Variants in RGL1 observed in about 807,000 individuals in gnomAD.
RGL1 encodes the protein ral guanine nucleotide dissociation stimulator-like 1.
RGL1 carries 24 observed loss-of-function variants against 95.2 expected under a neutral mutation model. The ratio of observed to expected loss-of-function variants is 0.25; its 90% CI spans 0.18 to 0.35. The LOEUF (loss-of-function observed/expected upper bound fraction) is 0.35, where lower values mean the gene tolerates loss of function less well. Ranked by LOEUF, RGL1 falls within the 10% of genes least tolerant of loss-of-function variation. The pLI, the probability that RGL1 is intolerant of heterozygous loss-of-function variation, is 1.00. For missense variants in RGL1, 715 were observed against 936.3 expected (o/e 0.76, Z 3.08); for synonymous variants, 329 against 344.9 (o/e 0.95, Z 0.51).
rs532626020 is a variant in RGL1, at chr1:183,927,939, G to A, written c.*1647G>A. On this transcript the variant is annotated 3_prime_UTR_variant, in exon 18 of 18. Transcript: ENST00000360851. ...GTTTAGAGATTTGCGGCAATGGACCGAAGAACGGGCCAGGAAGTCCTCCAA... is the reference window on the plus strand; with the variant it reads ...GTTTAGAGATTTGCGGCAATGGACCAAAGAACGGGCCAGGAAGTCCTCCAA... 10 of 152,656 alleles carry A rather than the reference G, an allele frequency of 6.6e-5. No homozygotes were observed. In the East Asian group the frequency reaches 1.5e-3, roughly 24 times the overall value. 9.5% of individuals were successfully genotyped at this position (152,656 alleles called of 1,614,324 possible). A position where few individuals can be genotyped will look rare whatever the true frequency, so the allele number is the denominator to read the frequency against.
intron 1 of RGL1, among the ~76,000 whole-genome samples, chr1:183,659,843 A>T (rs1208276865): frequency 6.6e-6 from 1 of 151,146 alleles, no homozygotes; most frequent in Non-Finnish European, 1.5e-5. Context: ...AGCCCATCAG[A>T]CTAACAGTGG....
chr1:183,776,027 T>C (rs557176372), intron 2 of RGL1, among the ~76,000 whole-genome samples: 1 of 152,324 alleles, frequency 6.6e-6, no homozygotes, highest in East Asian at 1.9e-4. Context: ...ATAAATTGAT[T>C]CCTACCTTTA....
Position 183,900,042 on chromosome 1 carries a change from G to T in RGL1, c.1231-108G>T, listed in dbSNP as rs890490217. The T allele has an allele frequency of 6.8e-6, 5 of 740,340 alleles. No homozygotes were observed. In the African/African-American group the frequency reaches 8.7e-5, roughly 13 times the overall value. The allele number at this position is 740,340 out of a possible 1,614,324, so 45.9% of individuals were successfully genotyped here. Reference sequence around the variant, plus strand: ...TTATTCATGGAGGTTAGCACCACTGGCCCGCAGTTAGGCCTTGAATACATC... The same window carrying T: ...TTATTCATGGAGGTTAGCACCACTGTCCCGCAGTTAGGCCTTGAATACATC... On this transcript the variant is annotated intron_variant, in intron 10 of 17. Coordinates refer to ENST00000360851, the MANE Select transcript of RGL1 (RefSeq NM_001297671.3).
At chr1:183,696,181 A>G (rs1053895931) in intron 1 of RGL1, among the ~76,000 whole-genome samples, 20 of 152,138 alleles carry the variant, frequency 1.3e-4, no homozygotes, top group African/African-American at 4.6e-4. Flanking sequence ...GGGACCCATC[A>G]TCAGCATTTG....
rs1661195719 is a variant in RGL1, at chr1:183,805,131, C to G, written c.-167C>G. 1 of 852,088 alleles carries G rather than the reference C, an allele frequency of 1.2e-6. No homozygotes were observed. Among genetic ancestry groups the G allele is most frequent in the Non-Finnish European group, 1.6e-6 (1 of 626,978 alleles). 52.8% of individuals were successfully genotyped at this position (852,088 alleles called of 1,614,324 possible). On this transcript the variant is annotated 5_prime_UTR_variant, in exon 1 of 18. Coordinates refer to ENST00000360851, the MANE Select transcript of RGL1 (RefSeq NM_001297671.3). ...GCCGCGCTCCCTTTGTGGCCCGAGTCGCGCGCACCGGCGGCGGCGGGGGCA... is the reference window on the plus strand; with the variant it reads ...GCCGCGCTCCCTTTGTGGCCCGAGTGGCGCGCACCGGCGGCGGCGGGGGCA...
intron 15 of RGL1, among the ~76,000 whole-genome samples, chr1:183,914,450 T>C (rs1668842782): frequency 6.6e-6 from 1 of 152,148 alleles, no homozygotes; most frequent in African/African-American, 2.4e-5. Context: ...AATCCCTGCA[T>C]ATTAGCTAGA....
chr1:183,735,044 A>T (rs1390396190), intron 1 of RGL1, among the ~76,000 whole-genome samples: 6 of 151,524 alleles, frequency 4.0e-5, no homozygotes, highest in African/African-American at 7.3e-5. Context: ...GTCACAGGGT[A>T]GTACAAACCC....
chr1:183,880,427 A>C (rs1040216900), intron 4 of RGL1, among the ~76,000 whole-genome samples, 189 bp from the exon 5 acceptor site: 1 of 152,188 alleles, frequency 6.6e-6, no homozygotes, highest in Non-Finnish European at 1.5e-5. Context: ...TCCACTTAAA[A>C]CAATAAAGTT....
At chr1:183,648,458 G>A in intron 1 of RGL1, 1 of 1,614,196 alleles carries the variant, frequency 6.2e-7, no homozygotes, top group Non-Finnish European at 8.5e-7. Flanking sequence ...TATTGTATAT[G>A]GCTGAGTCAA....
At chr1:183,640,613 T>A (rs1401030642) in intron 1 of RGL1, among the ~76,000 whole-genome samples, 1 of 152,248 alleles carries the variant, frequency 6.6e-6, no homozygotes, top group Non-Finnish European at 1.5e-5. Context: ...TATGATGATA[T>A]AAAATGAAAG....
At chr1:183,884,423 G>A (rs1265752818) in intron 6 of RGL1, among the ~76,000 whole-genome samples, 1 of 152,200 alleles carries the variant, frequency 6.6e-6, no homozygotes, top group Non-Finnish European at 1.5e-5. Context: ...ATAGGTCGGT[G>A]TTAGATGGTA....
chr1:183,875,473 G>T (rs765480642), intron 4 of RGL1, among the ~76,000 whole-genome samples: 4 of 152,194 alleles, frequency 2.6e-5, no homozygotes, highest in African/African-American at 4.8e-5. Context: ...CCTGAAGATC[G>T]TGGGGTGGCT....
chr1:183,858,268 T>C (rs962360456), intron 3 of RGL1, among the ~76,000 whole-genome samples: 5 of 152,178 alleles, frequency 3.3e-5, no homozygotes, highest in African/African-American at 1.2e-4. Context: ...TGGGAGTGAT[T>C]GATCACAAAC....
At chr1:183,835,461 C>T (rs1327073269) in intron 2 of RGL1, among the ~76,000 whole-genome samples, 1 of 152,150 alleles carries the variant, frequency 6.6e-6, no homozygotes, top group African/African-American at 2.4e-5. Flanking sequence ...GTCTGTATTA[C>T]CCAGTAGTTT....
At chr1:183,924,858 T>A (rs539693744) in intron 17 of RGL1, among the ~76,000 whole-genome samples, 1 of 150,612 alleles carries the variant, frequency 6.6e-6, no homozygotes, top group Non-Finnish European at 1.5e-5. Context: ...CCCAGCTACT[T>A]GGGGGGCTGA....
rs1450539762 is a variant in RGL1, at chr1:183,866,085, T to C, written c.425+12T>C. 4 of 1,596,350 alleles carry C rather than the reference T, an allele frequency of 2.5e-6. No homozygotes were observed. The highest frequency in any genetic ancestry group is 2.2e-5 in the South Asian group (2 of 90,730). ...ATGGTGATCAGGAAGTGAGTCTCCCTTTTCTTTGCATTCTAAGCTCTCAGT... is the reference window on the plus strand; with the variant it reads ...ATGGTGATCAGGAAGTGAGTCTCCCCTTTCTTTGCATTCTAAGCTCTCAGT... On this transcript the variant is annotated intron_variant, in intron 4 of 17. Coordinates refer to ENST00000360851, the MANE Select transcript of RGL1 (RefSeq NM_001297671.3).
At chr1:183,904,110 T>C (rs1017139607) in intron 12 of RGL1, among the ~76,000 whole-genome samples, 1 of 152,230 alleles carries the variant, frequency 6.6e-6, no homozygotes, top group African/African-American at 2.4e-5. Context: ...GATATTAAAC[T>C]TCTGGAAAGT....
intron 5 of RGL1, among the ~76,000 whole-genome samples, chr1:183,882,224 G>C (rs188524487): frequency 3.9e-5 from 6 of 152,376 alleles, no homozygotes; most frequent in Admixed American, 3.9e-4. Flanking sequence ...CTATGCCCCA[G>C]AGAGAAAGGA....
At chr1:183,655,960 G>T (rs1558136694) in intron 1 of RGL1, among the ~76,000 whole-genome samples, 1 of 152,122 alleles carries the variant, frequency 6.6e-6, no homozygotes, top group Non-Finnish European at 1.5e-5. Context: ...AAACAGTGAT[G>T]GGAGGCCATT....
Sources: allele counts gnomAD v4.1 joint callset (sites outside exome capture counted in the v4.1 genomes callset), GRCh38; gene constraint gnomAD v4.1.1; transcripts MANE v1.5; gene names NCBI Gene and HGNC (gene_info 2026-07-23, HGNC 2026-07-21).